RNF144A: variants seen among roughly 807,000 people sequenced by gnomAD.
RNF144A encodes E3 ubiquitin-protein ligase RNF144A.
Under a neutral mutation model 38.7 loss-of-function variants are expected in RNF144A, and 11 were observed. The observed-to-expected ratio is 0.28, with a 90% CI of 0.18 to 0.47. The LOEUF is 0.47. Among genes scored for constraint, RNF144A ranks in the 20% least tolerant of loss-of-function variants. The pLI is 0.99. For missense variants in RNF144A, 316 were observed against 377.2 expected, an observed-to-expected ratio of 0.84 and a Z score of 1.34; for synonymous variants, 149 against 143.9, an observed-to-expected ratio of 1.04 and a Z score of -0.25.
At chr2:7,028,779 C>T (rs1407741042) in intron 7 of RNF144A, among the ~76,000 whole-genome samples, 1 of 152,134 alleles carries the variant, frequency 6.6e-6, no homozygotes, top group Non-Finnish European at 1.5e-5. Flanking sequence ...AAGGTGTGGC[C>T]AGAAGTGGCT....
chr2:6,981,500 C>T (rs2103363148), intron 2 of RNF144A, among the ~76,000 whole-genome samples: 2 of 152,322 alleles, frequency 1.3e-5, no homozygotes, highest in Middle Eastern at 6.8e-3. Context: ...TTCCACAGAT[C>T]TCTAGGGCAG....
At chr2:7,064,967 C>G (rs1309726691) in intron 6 of RNF144A, among the ~76,000 whole-genome samples, 1 of 152,140 alleles carries the variant, frequency 6.6e-6, no homozygotes. Flanking sequence ...TAGATCTTTT[C>G]TGGCCATCAT....
intron 6 of RNF144A, among the ~76,000 whole-genome samples, chr2:7,054,716 T>A (rs1673662462): frequency 3.9e-5 from 6 of 152,194 alleles, no homozygotes; most frequent in Admixed American, 3.9e-4. Context: ...GGGCACCATC[T>A]TGGAGGCAGA....
intron 6 of RNF144A, among the ~76,000 whole-genome samples, chr2:7,054,745 C>T (rs1382863381): frequency 1.3e-5 from 2 of 152,182 alleles, no homozygotes; most frequent in African/African-American, 2.4e-5. Flanking sequence ...CTCACCAGAA[C>T]CACACCTGCC....
intron 6 of RNF144A, 22 bp downstream of exon 6, chr2:7,020,702 C>T (rs1158372879): frequency 4.4e-6 from 7 of 1,589,002 alleles, no homozygotes; most frequent in Non-Finnish European, 6.0e-6. Flanking sequence ...ACACAAGCTG[C>T]CACCAAAGGC....
chr2:6,973,708 C>T (rs1668130601), intron 2 of RNF144A, among the ~76,000 whole-genome samples: 1 of 152,160 alleles, frequency 6.6e-6, no homozygotes, highest in African/African-American at 2.4e-5. Context: ...GGATTTTCAC[C>T]ACCCCTAGAA....
chr2:7,038,525 T>C lies in RNF144A; in HGVS notation c.748-1104T>C, dbSNP rs113058823. 4.6e-3 allele frequency among the ~76,000 whole-genome samples: 704 copies of C among 152,252 alleles called. 6 individuals carry two copies. The highest frequency in any genetic ancestry group is 0.016 in the African/African-American group (674 of 41,532). ...GCAGTGTCTGGGTCAGGGTGGCTGC[T>C]GAGAGGAAACTTGTTAGTTAATAGG... On this transcript the variant is annotated intron_variant, in intron 8 of 8. Transcript: ENST00000320892.
At chr2:7,004,766 A>T (rs1353747158) in intron 3 of RNF144A, among the ~76,000 whole-genome samples, 2 of 152,174 alleles carry the variant, frequency 1.3e-5, no homozygotes, top group Non-Finnish European at 2.9e-5. Context: ...CTCTTCAAAC[A>T]TCTGGAGCTT....
chr2:6,946,195 T>G (rs1161349483), intron 2 of RNF144A, among the ~76,000 whole-genome samples: 1 of 152,228 alleles, frequency 6.6e-6, no homozygotes, highest in Non-Finnish European at 1.5e-5. Context: ...ACAACAGAAC[T>G]TCATAGACAC....
chr2:6,954,285 A>T (rs76333244), intron 2 of RNF144A, among the ~76,000 whole-genome samples: 10,964 of 148,976 alleles, frequency 0.074, 450 homozygotes, highest in East Asian at 0.11. Flanking sequence ...TTTTTCTTTT[A>T]TAATTTGGAA....
At chr2:6,988,413 C>T (rs573963346) in intron 2 of RNF144A, among the ~76,000 whole-genome samples, 2 of 152,320 alleles carry the variant, frequency 1.3e-5, no homozygotes, top group Non-Finnish European at 2.9e-5. Context: ...AGAGTCCTCT[C>T]CACTGGGACA....
chr2:7,019,820 T>A (rs75206013), intron 5 of RNF144A, among the ~76,000 whole-genome samples: 2,071 of 152,336 alleles, frequency 0.014, 51 homozygotes, highest in African/African-American at 0.047. Context: ...TAAATTGGGC[T>A]TCTTAGAAAT....
rs1673069747 is a variant in RNF144A, at chr2:7,041,942, C to T, written c.*2182C>T. On this transcript the variant is annotated 3_prime_UTR_variant, in exon 9 of 9. Transcript: ENST00000320892. ...TGGCCCAGTCATGCACATCTGTAGCCCCAGCCATCCTTGTGCCTTCACCTC... is the reference window on the plus strand; with the variant it reads ...TGGCCCAGTCATGCACATCTGTAGCTCCAGCCATCCTTGTGCCTTCACCTC... 2 of 985,398 alleles carry T rather than the reference C, an allele frequency of 2.0e-6. No individual in the cohort carries two copies. Among genetic ancestry groups the T allele is most frequent in the East Asian group, 1.1e-4 (1 of 8,814 alleles). 61.0% of individuals were successfully genotyped at this position (985,398 alleles called of 1,614,324 possible). A position where few individuals can be genotyped will look rare whatever the true frequency, so the allele number is the denominator to read the frequency against.
chr2:7,001,963 G>A (rs1670135548), intron 3 of RNF144A, among the ~76,000 whole-genome samples: 1 of 152,154 alleles, frequency 6.6e-6, no homozygotes, highest in Admixed American at 6.5e-5. Flanking sequence ...ATGGGGCAAT[G>A]GGTATAAAGT....
At chr2:6,921,562 C>T (rs546726873) in intron 1 of RNF144A, among the ~76,000 whole-genome samples, 2 of 152,308 alleles carry the variant, frequency 1.3e-5, no homozygotes, top group East Asian at 1.9e-4. Flanking sequence ...GCACACACGT[C>T]GTCAATTTTG....
At chr2:7,045,797 G>A (rs61744834), downstream of RNF144A, among the ~76,000 whole-genome samples, 15 of 152,264 alleles carry the variant, frequency 9.9e-5, no homozygotes, top group East Asian at 1.2e-3. Context: ...AGCAGGTGGC[G>A]GGGCTCCGTT....
At position 6,962,728 on chromosome 2, in the gene RNF144A, G is replaced by A. The variant is rs1211679541; in HGVS notation, c.-12+21581G>A. Among the ~76,000 whole-genome samples the A allele has an allele frequency of 6.6e-6, 1 of 152,140 alleles. No individual in the cohort carries two copies. The highest frequency in any genetic ancestry group is 1.5e-5 in the Non-Finnish European group (1 of 68,026). On this transcript the variant is annotated intron_variant, in intron 2 of 8. Transcript: ENST00000320892. This position sits in a 1 kb window ranked among gnomAD's most constrained non-coding sequence, Gnocchi z 4.1. ...ATTTTGCTTGGATATTTATGCACTT[G>A]TCTTATTTTATTCATCACAGCATAA... is the stretch of plus-strand genomic sequence containing the variant.
intron 6 of RNF144A, among the ~76,000 whole-genome samples, chr2:7,065,570 C>G (rs1388812460): frequency 2.6e-5 from 4 of 152,202 alleles, no homozygotes; most frequent in Non-Finnish European, 5.9e-5. Flanking sequence ...TAATTGTACA[C>G]TAGTGTGGAA....
At chr2:7,018,617 C>T (rs147822461) in intron 5 of RNF144A, among the ~76,000 whole-genome samples, 49 of 152,304 alleles carry the variant, frequency 3.2e-4, no homozygotes, top group African/African-American at 1.0e-3. Flanking sequence ...ACAACAACTG[C>T]GTTTTCTCAA....
Sources: allele counts gnomAD v4.1 joint callset (sites outside exome capture counted in the v4.1 genomes callset), GRCh38; gene constraint gnomAD v4.1.1; non-coding constraint Gnocchi (gnomAD v3.1); transcripts MANE v1.5; gene names NCBI Gene and HGNC (gene_info 2026-07-23, HGNC 2026-07-21).